DOCK4: variants seen among roughly 807,000 people sequenced by gnomAD.
DOCK4 encodes the protein dedicator of cytokinesis protein 4.
Under a neutral mutation model 268.1 loss-of-function variants are expected in DOCK4, and 97 were observed. The ratio of observed to expected loss-of-function variants is 0.36; its 90% CI spans 0.31 to 0.43. The LOEUF (loss-of-function observed/expected upper bound fraction) is 0.43. Among genes scored for constraint, DOCK4 ranks in the 20% least tolerant of loss-of-function variants. DOCK4 has a pLI of 1.00. For synonymous variants in DOCK4, 954 were observed against 887.2 expected, an observed-to-expected ratio of 1.08 and a Z score of -1.34; for missense variants, 2,145 against 2,455.7, an observed-to-expected ratio of 0.87 and a Z score of 2.67.
intron 23 of DOCK4, among the ~76,000 whole-genome samples, chr7:111,855,652 A>C (rs1289577236): frequency 6.6e-6 from 1 of 152,256 alleles, no homozygotes; most frequent in East Asian, 1.9e-4. Flanking sequence ...GAGGCTAAGC[A>C]GGTGGAATGA....
chr7:112,196,399 C>G (rs1448639525), intron 1 of DOCK4, among the ~76,000 whole-genome samples: 1 of 152,164 alleles, frequency 6.6e-6, no homozygotes, highest in East Asian at 1.9e-4. Context: ...GCAATACTTT[C>G]AAAGCAACTA....
At chr7:111,901,535 G>T (rs1255815634) in intron 14 of DOCK4, 142 bp downstream of exon 14, 6 of 824,228 alleles carry the variant, frequency 7.3e-6, no homozygotes, top group Non-Finnish European at 1.1e-5. Flanking sequence ...CTACACAGGG[G>T]TGAAGGAGAA....
chr7:111,959,110 G>C (rs1003506979), intron 8 of DOCK4, among the ~76,000 whole-genome samples: 22 of 152,032 alleles, frequency 1.4e-4, no homozygotes, highest in South Asian at 6.2e-4. Flanking sequence ...CTTTCAACAG[G>C]AGGCCCGAGG....
chr7:112,124,161 A>T (rs1813004045), intron 1 of DOCK4, among the ~76,000 whole-genome samples: 1 of 152,026 alleles, frequency 6.6e-6, no homozygotes, highest in Non-Finnish European at 1.5e-5. Context: ...AATAGCTGGG[A>T]CTACAATACT....
chr7:111,934,512 G>GTTTTGT (rs1278082249), intron 12 of DOCK4, among the ~76,000 whole-genome samples: 1,939 of 100,516 alleles, frequency 0.019, 66 homozygotes, highest in African/African-American at 0.051. Context: ...AGCATGTTTT[G>GTTTTGT]TTTTGTTTTT....
chr7:112,106,641 T>C (rs1209939904), intron 1 of DOCK4, among the ~76,000 whole-genome samples: 1 of 152,310 alleles, frequency 6.6e-6, no homozygotes, highest in East Asian at 1.9e-4. Flanking sequence ...CAATTCTGAG[T>C]AGCATGGCTT....
At chr7:112,065,094 C>A (rs1806793412) in intron 1 of DOCK4, among the ~76,000 whole-genome samples, 1 of 152,214 alleles carries the variant, frequency 6.6e-6, no homozygotes, top group South Asian at 2.1e-4. Context: ...ACTGGACATG[C>A]AATCAGCGAA....
At chr7:111,987,979 A>G (rs1799183938) in intron 6 of DOCK4, among the ~76,000 whole-genome samples, 1 of 152,254 alleles carries the variant, frequency 6.6e-6, no homozygotes, top group Admixed American at 6.5e-5. Flanking sequence ...AGGTCTGGGT[A>G]TTCACATTCA....
intron 1 of DOCK4, among the ~76,000 whole-genome samples, chr7:112,078,286 C>T (rs1044339727): frequency 6.6e-6 from 1 of 152,118 alleles, no homozygotes; most frequent in Admixed American, 6.6e-5. Context: ...CTACACTCTA[C>T]CCCATTTCTC....
At chr7:111,793,419 G>A (rs1799685746) in intron 30 of DOCK4, among the ~76,000 whole-genome samples, 1 of 152,188 alleles carries the variant, frequency 6.6e-6, no homozygotes, top group South Asian at 2.1e-4. Flanking sequence ...TAAACACAAA[G>A]AGAGACAAAG....
chr7:111,938,095 T>C (rs1794887337), intron 11 of DOCK4, among the ~76,000 whole-genome samples: 2 of 152,238 alleles, frequency 1.3e-5, no homozygotes, highest in Admixed American at 1.3e-4. Context: ...AGGGTTGCTA[T>C]GTGATAAAAA....
At chr7:111,849,345 C>A (rs1451211065) in intron 23 of DOCK4, among the ~76,000 whole-genome samples, 2 of 151,026 alleles carry the variant, frequency 1.3e-5, no homozygotes, top group African/African-American at 2.4e-5. Context: ...TCACTGCAAC[C>A]TCTGCCTCCC....
intron 1 of DOCK4, among the ~76,000 whole-genome samples, chr7:112,112,002 G>C (rs1350387847): frequency 6.6e-6 from 1 of 152,154 alleles, no homozygotes; most frequent in Non-Finnish European, 1.5e-5. Context: ...AACACCTGTA[G>C]CATCTCTCTC....
chr7:111,728,758 A>AT, intron 52 of DOCK4, 38 bp from the exon 53 acceptor site: 1 of 1,555,686 alleles, frequency 6.4e-7, no homozygotes, highest in Non-Finnish European at 8.7e-7. Context: ...GAGACACAGC[A>AT]TTGAGTCGTG....
intron 7 of DOCK4, among the ~76,000 whole-genome samples, chr7:111,982,043 G>A (rs774392509): frequency 2.3e-4 from 35 of 152,182 alleles, no homozygotes; most frequent in Non-Finnish European, 4.0e-4. Context: ...ATACAGGGGT[G>A]TGCCTAAGCT....
chr7:112,091,116 G>A (rs1467252540), intron 1 of DOCK4, among the ~76,000 whole-genome samples: 1 of 152,090 alleles, frequency 6.6e-6, no homozygotes, highest in African/African-American at 2.4e-5. Context: ...TAAAATAAGG[G>A]AAAGACCCAC....
At chr7:112,039,491 T>G (rs565746867) in intron 1 of DOCK4, among the ~76,000 whole-genome samples, 1 of 152,086 alleles carries the variant, frequency 6.6e-6, no homozygotes, top group African/African-American at 2.4e-5. Flanking sequence ...GTTGTTGTTG[T>G]TTTTATACAT....
In DOCK4 at chr7:112,162,485, AAG is replaced by A. The variant is rs1487532598; in HGVS notation, c.37+43615_37+43616del. 1.6e-4 allele frequency among the ~76,000 whole-genome samples: 23 copies of A among 148,070 alleles called. No homozygotes were observed. In the East Asian group the frequency reaches 4.1e-3, roughly 27 times the overall value. On this transcript the variant is annotated intron_variant, in intron 1 of 52. Transcript: ENST00000428084. ...AGTTTTGTGTATAGATGTTGGGAGGAAGAGAGTGTCTGTCTGTCTCTTTCTTT... is the reference window on the plus strand; with the variant it reads ...AGTTTTGTGTATAGATGTTGGGAGGAAGAGTGTCTGTCTGTCTCTTTCTTT...
intron 6 of DOCK4, among the ~76,000 whole-genome samples, chr7:111,988,315 G>A (rs186189725): frequency 2.0e-5 from 3 of 152,210 alleles, no homozygotes; most frequent in Admixed American, 2.0e-4. Context: ...AGTCAAAGGT[G>A]GCTTATTCTA....
Sources: allele counts gnomAD v4.1 joint callset (sites outside exome capture counted in the v4.1 genomes callset), GRCh38; gene constraint gnomAD v4.1.1; transcripts MANE v1.5; gene names NCBI Gene and HGNC (gene_info 2026-07-23, HGNC 2026-07-21).